Variants in GUF1 observed in about 807,000 individuals in gnomAD.
GUF1 encodes the protein GTP binding elongation factor GUF1.
Under a neutral mutation model 82.4 loss-of-function variants are expected in GUF1, and 78 were observed. The observed-to-expected ratio is 0.95, with a 90% CI of 0.79 to 1.14. The LOEUF is 1.14. GUF1 is among the 50% of genes most tolerant of loss of function. The probability of loss-of-function intolerance (pLI) is 0.00; values close to 1 mark genes in which losing one functional copy is unlikely to be tolerated. For missense variants in GUF1, 814 were observed against 798.2 expected (o/e 1.02, Z -0.24); for synonymous variants, 279 against 282.3 (o/e 0.99, Z 0.12).
intron 13 of GUF1, among the ~76,000 whole-genome samples, chr4:44,692,209 T>C (rs1349488962): frequency 1.3e-5 from 2 of 151,922 alleles, no homozygotes; most frequent in Non-Finnish European, 3.0e-5. Flanking sequence ...ATATTCAGTC[T>C]GTAAAAAATG....
Position 44,694,521 on chromosome 4 carries a change from C to G in GUF1, c.1715+8C>G, listed in dbSNP as rs12641137. The G allele has an allele frequency of 1, 1,417,267 of 1,422,568 alleles. 706,152 individuals are homozygous for G. The highest frequency in any genetic ancestry group is 1 in the East Asian group (42,822 of 42,822). The allele number at this position is 1,422,568 out of a possible 1,614,324, so 88.1% of individuals were successfully genotyped here. On this transcript the variant is annotated splice_region_variant and intron_variant, in intron 14 of 16. Transcript: ENST00000281543. ...AGTAACTGTTGTACACAAGTAAGTT[C>G]AATAGAAACTAATCATGGAATGTGA...
Position 44,678,619 on chromosome 4 carries a change from G to A in GUF1, c.-4G>A, listed in dbSNP as rs761054238. On this transcript the variant is annotated 5_prime_UTR_variant, in exon 1 of 17. Coordinates refer to ENST00000281543, the MANE Select transcript of GUF1 (RefSeq NM_021927.3). ...CCTCTCCTGACGCCTCCGCCGCCCG[G>A]GTCATGTGGACCCTCGTGGGTCGGG... 3 of 1,452,758 alleles carry A rather than the reference G, an allele frequency of 2.1e-6. No individual in the cohort carries two copies. Among genetic ancestry groups the A allele is most frequent in the Admixed American group, 3.0e-5 (1 of 32,930 alleles). 90.0% of individuals were successfully genotyped at this position (1,452,758 alleles called of 1,614,324 possible).
At chr4:44,683,961 T>C (rs1477204847) in intron 6 of GUF1, among the ~76,000 whole-genome samples, 1 of 152,104 alleles carries the variant, frequency 6.6e-6, no homozygotes, top group Non-Finnish European at 1.5e-5. Context: ...TTATATATGG[T>C]TTTATATTTT....
chr4:44,684,017 T>G (rs1714914983), intron 6 of GUF1, among the ~76,000 whole-genome samples: 1 of 152,116 alleles, frequency 6.6e-6, no homozygotes, highest in South Asian at 2.1e-4. Flanking sequence ...GATTTTAATC[T>G]TAATAAAATT....
In GUF1 at chr4:44,695,646, T is replaced by C. The variant is rs1180485200; in HGVS notation, c.1747T>C (p.Cys583Arg). ...AGCTCATTCAATTGGCAAAGCCATA[T>C]GTGAACGGCTGAAGGATTCTCTTCC... ...DKAHSIGKAICERLKDSLPRQ... is the reference protein window; with the variant it reads ...DKAHSIGKAIRERLKDSLPRQ... The change falls in exon 15 of 17, where the codon TGT becomes CGT. Residue 583 changes from cysteine (C) to arginine (R), a missense_variant. Transcript: ENST00000281543. 3 of 1,612,948 alleles carry C rather than the reference T, an allele frequency of 1.9e-6. No individual in the cohort carries two copies. Among genetic ancestry groups the C allele is most frequent in the Non-Finnish European group, 2.5e-6 (3 of 1,179,246 alleles).
rs763052309 is a variant in GUF1 at position 44,697,462 on chromosome 4, T to A, written c.1872+18T>A. 1.5e-6 allele frequency: 2 copies of A among 1,342,842 alleles called. No homozygotes were observed. Among genetic ancestry groups the A allele is most frequent in the South Asian group, 2.5e-5 (2 of 79,428 alleles). The allele number at this position is 1,342,842 out of a possible 1,614,324, so 83.2% of individuals were successfully genotyped here. ...CAAAATGTGTATGTATCTAGTTGTA[T>A]TTATTCTACTTTATAACTTTTATGG... On this transcript the variant is annotated intron_variant, in intron 16 of 16. Coordinates refer to ENST00000281543, the MANE Select transcript of GUF1 (RefSeq NM_021927.3).
intron 1 of GUF1, 80 bp downstream of exon 1, chr4:44,678,867 T>G: frequency 7.3e-7 from 1 of 1,366,206 alleles, no homozygotes; most frequent in Non-Finnish European, 9.8e-7. Flanking sequence ...TGTATAGGGC[T>G]TTCTGGGACT....
rs1370849465 is a variant in GUF1, at chr4:44,689,926, C to T, written c.1286C>T (p.Thr429Ile). ...QEYNASVILTTPTVPYKAVLS... is the reference protein window; with the variant it reads ...QEYNASVILTIPTVPYKAVLS... ...TATAATGCTTCTGTTATTTTAACAACCCCTACTGTTCCATATAAAGCTGTA... is the reference window on the plus strand; with the variant it reads ...TATAATGCTTCTGTTATTTTAACAATCCCTACTGTTCCATATAAAGCTGTA... Residue 429 changes from threonine (T) to isoleucine (I), a missense_variant, in exon 11 of 17, where the codon ACC (threonine) becomes ATC (isoleucine). Transcript: ENST00000281543. 4.4e-6 allele frequency: 7 copies of T among 1,608,076 alleles called. No individual in the cohort carries two copies. Among genetic ancestry groups the T allele is most frequent in the Non-Finnish European group, 6.0e-6 (7 of 1,175,674 alleles).
At chr4:44,691,146 G>A (rs1217574234) in intron 12 of GUF1, among the ~76,000 whole-genome samples, 2 of 151,588 alleles carry the variant, frequency 1.3e-5, no homozygotes, top group Non-Finnish European at 3.0e-5. Context: ...GCCTTTTTGA[G>A]TAGTTTGAAA....
chr4:44,683,826 T>C (rs2109638092), intron 6 of GUF1, among the ~76,000 whole-genome samples: 1 of 152,242 alleles, frequency 6.6e-6, no homozygotes, highest in East Asian at 1.9e-4. Flanking sequence ...TATTTACCTT[T>C]GAAATGATGA....
rs1185828813 is a variant in GUF1 at position 44,686,015 on chromosome 4, A to C, written c.726A>C (p.Arg242Ser). The C allele has an allele frequency of 6.2e-7, 1 of 1,602,708 alleles. No homozygotes were observed. The highest frequency in any genetic ancestry group is 8.5e-7 in the Non-Finnish European group (1 of 1,170,750). ...GTGTTCTTCAGGCAATTATTGAAAG[A>C]ATCCCCCCGTGAGTATTTGGTGATT... ...VESVLQAIIE[R>S]IPPPKVHRKN... Residue 242 changes from arginine to serine, a missense_variant, in exon 7 of 17, where the codon AGA becomes AGC. Coordinates refer to ENST00000281543, the MANE Select transcript of GUF1 (RefSeq NM_021927.3).
At position 44,686,008 on chromosome 4, in the gene GUF1, T is replaced by C. The variant is rs772094376; in HGVS notation, c.719T>C (p.Ile240Thr). ...TNVESVLQAI[I>T]ERIPPPKVHR... ...GTTGAGAGTGTTCTTCAGGCAATTA[T>C]TGAAAGAATCCCCCCGTGAGTATTT... The change falls in exon 7 of 17, where the codon ATT becomes ACT. Residue 240 changes from isoleucine (I) to threonine (T), a missense_variant. Physicochemically the swap from Ile to Thr is moderately conservative, Grantham distance 89. Coordinates refer to ENST00000281543, the MANE Select transcript of GUF1 (RefSeq NM_021927.3). The C allele has an allele frequency of 1.2e-6, 2 of 1,605,244 alleles. No homozygotes were observed. Among genetic ancestry groups the C allele is most frequent in the South Asian group, 2.2e-5 (2 of 90,870 alleles).
chr4:44,687,306 C>T (rs898086537), intron 8 of GUF1, among the ~76,000 whole-genome samples: 1 of 151,900 alleles, frequency 6.6e-6, no homozygotes, highest in Non-Finnish European at 1.5e-5. Context: ...ATTATTGAAC[C>T]AGATGACTGT....
chr4:44,691,198 C>G (rs746401239), intron 12 of GUF1, among the ~76,000 whole-genome samples: 9 of 151,498 alleles, frequency 5.9e-5, no homozygotes, highest in Non-Finnish European at 1.3e-4. Flanking sequence ...TGAAGGTACT[C>G]CCATTTTGCT....
intron 1 of GUF1, among the ~76,000 whole-genome samples, 199 bp from the exon 2 acceptor site, chr4:44,680,242 G>C (rs150371961): frequency 1.4e-4 from 21 of 152,210 alleles, no homozygotes; most frequent in Admixed American, 3.9e-4. Flanking sequence ...TAGCTGTATA[G>C]TTACCTTTGG....
At chr4:44,695,544 C>A in intron 14 of GUF1, 71 bp from the exon 15 acceptor site, 2 of 1,336,828 alleles carry the variant, frequency 1.5e-6, no homozygotes, top group Non-Finnish European at 2.1e-6. Flanking sequence ...ACTGATTATG[C>A]AACTGGCCTA....
chr4:44,687,426 C>A (rs1715124176), intron 8 of GUF1, among the ~76,000 whole-genome samples: 2 of 151,746 alleles, frequency 1.3e-5, no homozygotes, highest in South Asian at 2.1e-4. Flanking sequence ...TATATTCTGC[C>A]ATATATACCA....
chr4:44,691,614 T>A, intron 12 of GUF1, 52 bp from the exon 13 acceptor site: 1 of 1,383,214 alleles, frequency 7.2e-7, no homozygotes, highest in Non-Finnish European at 1.0e-6. Context: ...ACATCATTCC[T>A]CAGTATTTGA....
chr4:44,692,609 T>C (rs1715521109), intron 13 of GUF1, among the ~76,000 whole-genome samples: 1 of 151,998 alleles, frequency 6.6e-6, no homozygotes, highest in African/African-American at 2.4e-5. Context: ...TTCCAGTGTT[T>C]AACAAACATG....
Sources: allele counts gnomAD v4.1 joint callset (sites outside exome capture counted in the v4.1 genomes callset), GRCh38; gene constraint gnomAD v4.1.1; transcripts MANE v1.5; gene names NCBI Gene and HGNC (gene_info 2026-07-23, HGNC 2026-07-21).